SLX4IP: variants seen among roughly 807,000 people sequenced by gnomAD.
SLX4IP encodes the protein protein SLX4IP.
A neutral mutation model predicts 32.9 loss-of-function variants in SLX4IP; 34 were observed. The observed-to-expected ratio is 1.03, with a 90% confidence interval of 0.79 to 1.38. The LOEUF is 1.38. Among genes scored for constraint, SLX4IP ranks in the 40% most tolerant of loss-of-function variants. The probability of loss-of-function intolerance (pLI) is 0.00; values close to 1 mark genes in which losing one functional copy is unlikely to be tolerated. For synonymous variants in SLX4IP, 172 were observed against 171.7 expected (o/e 1.00, Z -0.01); for missense variants, 444 against 479.0 (o/e 0.93, Z 0.68).
In SLX4IP at chr20:10,525,359, T is replaced by A. The variant is rs138804936; in HGVS notation, c.28-30872T>A. Among the ~76,000 whole-genome samples the A allele has an allele frequency of 9.5e-3, 1,452 of 152,326 alleles. 28 individuals carry two copies. The highest frequency in any genetic ancestry group is 0.033 in the African/African-American group (1,370 of 41,576). ...TTGATGTTATATATTGACCTTTCTCTACACGGAAATTTAGCACTCATACCT... is the reference window on the plus strand; with the variant it reads ...TTGATGTTATATATTGACCTTTCTCAACACGGAAATTTAGCACTCATACCT... On this transcript the variant is annotated intron_variant, in intron 2 of 7. Coordinates refer to ENST00000334534, the MANE Select transcript of SLX4IP (RefSeq NM_001009608.3).
At chr20:10,608,242 T>G (rs1411169456) in intron 6 of SLX4IP, among the ~76,000 whole-genome samples, 1 of 152,220 alleles carries the variant, frequency 6.6e-6, no homozygotes, top group African/African-American at 2.4e-5. Flanking sequence ...TATTCACTGA[T>G]GACCTTACAC....
rs1237505193 is a variant in SLX4IP at position 10,623,130 on chromosome 20, A to G, written c.978A>G (p.Glu326=). 1 of 1,614,244 alleles carries G rather than the reference A, an allele frequency of 6.2e-7. No homozygotes were observed. The highest frequency in any genetic ancestry group is 1.1e-5 in the South Asian group (1 of 91,086). Residue 326 remains glutamate (E), a synonymous_variant, in exon 8 of 8, where the codon GAA becomes GAG. Coordinates refer to ENST00000334534, the MANE Select transcript of SLX4IP (RefSeq NM_001009608.3). ...TAGTCCCGAGAGAAATAATAGTGGAAAAAAGCAAAGCTGTCAGGGTTTTGC... is the reference window on the plus strand; with the variant it reads ...TAGTCCCGAGAGAAATAATAGTGGAGAAAAGCAAAGCTGTCAGGGTTTTGC... ...DRLVPREIIV[E]KSKAVRVLPA...
chr20:10,534,579 A>G (rs1275916949), intron 2 of SLX4IP, among the ~76,000 whole-genome samples: 2 of 152,096 alleles, frequency 1.3e-5, no homozygotes, highest in African/African-American at 4.8e-5. Context: ...AGAAGAAGGA[A>G]TGGGGAGCTC....
At chr20:10,502,505 C>G (rs1043474900) in intron 2 of SLX4IP, among the ~76,000 whole-genome samples, 6 of 152,348 alleles carry the variant, frequency 3.9e-5, no homozygotes, top group African/African-American at 1.4e-4. Context: ...CAAACCCACT[C>G]ACTTTCAACC....
intron 2 of SLX4IP, among the ~76,000 whole-genome samples, chr20:10,460,155 TCTCACCCTAGAAAG>T (rs1193098899): frequency 6.6e-6 from 1 of 152,230 alleles, no homozygotes; most frequent in African/African-American, 2.4e-5. Context: ...ATGTATTTGG[TCTCACCCTAGAAAG>T]ATATTTGGTT....
intron 6 of SLX4IP, among the ~76,000 whole-genome samples, chr20:10,618,281 G>A (rs951818873): frequency 2.6e-5 from 4 of 152,194 alleles, no homozygotes; most frequent in Admixed American, 6.5e-5. Context: ...GTTGCTGAGG[G>A]AGGGTATCTC....
intron 2 of SLX4IP, among the ~76,000 whole-genome samples, chr20:10,519,822 A>ATT (rs2065887714): frequency 2.0e-5 from 3 of 152,190 alleles, no homozygotes; most frequent in African/African-American, 7.2e-5. Flanking sequence ...TGACTATACC[A>ATT]TTTTACATTC....
chr20:10,468,012 C>T (rs2065394945), intron 2 of SLX4IP, among the ~76,000 whole-genome samples: 1 of 152,038 alleles, frequency 6.6e-6, no homozygotes, highest in African/African-American at 2.4e-5. Context: ...GCTTCTTATC[C>T]TCCTTTTTAG....
intron 4 of SLX4IP, among the ~76,000 whole-genome samples, chr20:10,577,799 T>C (rs2066538507): frequency 6.6e-6 from 1 of 152,234 alleles, no homozygotes; most frequent in African/African-American, 2.4e-5. Flanking sequence ...AGCCTACTGT[T>C]GGAAAATTAT....
At chr20:10,570,066 G>T (rs1204625236) in intron 4 of SLX4IP, among the ~76,000 whole-genome samples, 1 of 152,148 alleles carries the variant, frequency 6.6e-6, no homozygotes, top group Non-Finnish European at 1.5e-5. Flanking sequence ...TCAATTAACT[G>T]GTAAGCCAGA....
chr20:10,623,179 G>C lies in SLX4IP; in HGVS notation c.1027G>C (p.Gly343Arg). The C allele has an allele frequency of 6.2e-7, 1 of 1,614,192 alleles. No individual in the cohort carries two copies. Among genetic ancestry groups the C allele is most frequent in the Middle Eastern group, 1.6e-4 (1 of 6,062 alleles). The change falls in exon 8 of 8, where the codon GGG becomes CGG. Residue 343 changes from glycine to arginine, a missense_variant. Coordinates refer to ENST00000334534, the MANE Select transcript of SLX4IP (RefSeq NM_001009608.3). Reference protein sequence around the residue: ...VLPASELSDPGLLLKQDLAKT... With the variant: ...VLPASELSDPRLLLKQDLAKT... ...GCCAGCTTCAGAGTTGTCAGATCCA[G>C]GGTTACTTTTGAAACAAGATTTGGC...
intron 4 of SLX4IP, among the ~76,000 whole-genome samples, chr20:10,570,809 G>A (rs1407575006): frequency 1.3e-5 from 2 of 152,044 alleles, no homozygotes; most frequent in East Asian, 1.9e-4. Flanking sequence ...GATTACAGGC[G>A]TGAGCCACCA....
Position 10,526,010 on chromosome 20 carries a change from A to T in SLX4IP, c.28-30221A>T, listed in dbSNP as rs556858342. On this transcript the variant is annotated intron_variant, in intron 2 of 7. Coordinates refer to ENST00000334534, the MANE Select transcript of SLX4IP (RefSeq NM_001009608.3). ...AGCAGCAGAAGGGCCCCACTTCTCC[A>T]TGGAGTCCTCTCCCTGCTCATCACT... Among the ~76,000 whole-genome samples, 7 of 152,248 alleles carry T rather than the reference A, an allele frequency of 4.6e-5. No homozygotes were observed. In the East Asian group the frequency reaches 1.4e-3, roughly 29 times the overall value.
chr20:10,445,962 C>T (rs2122323504), intron 1 of SLX4IP, among the ~76,000 whole-genome samples: 1 of 133,680 alleles, frequency 7.5e-6, no homozygotes. Flanking sequence ...TTTTTTAACT[C>T]AGCCTATTTC....
intron 2 of SLX4IP, among the ~76,000 whole-genome samples, chr20:10,536,327 A>G (rs537507923): frequency 4.6e-5 from 7 of 151,980 alleles, no homozygotes; most frequent in African/African-American, 1.7e-4. Context: ...CAGGAATTTG[A>G]GGACAGCCTG....
At chr20:10,489,664 G>C (rs779909442) in intron 2 of SLX4IP, among the ~76,000 whole-genome samples, 1 of 152,196 alleles carries the variant, frequency 6.6e-6, no homozygotes, top group Non-Finnish European at 1.5e-5. Flanking sequence ...TAAGGGGTCA[G>C]GTTAGGCTTA....
chr20:10,608,513 A>C (rs1195925141), intron 6 of SLX4IP, among the ~76,000 whole-genome samples: 1 of 143,826 alleles, frequency 7.0e-6, no homozygotes, highest in African/African-American at 2.6e-5. Context: ...AAAATACAGG[A>C]AAAAAAAAAA....
intron 4 of SLX4IP, among the ~76,000 whole-genome samples, chr20:10,563,266 A>G (rs563594138): frequency 6.6e-6 from 1 of 152,292 alleles, no homozygotes; most frequent in Non-Finnish European, 1.5e-5. Context: ...CTTATTTGCT[A>G]TTGAGTTATT....
At chr20:10,552,007 G>A (rs1032983239) in intron 2 of SLX4IP, among the ~76,000 whole-genome samples, 2 of 152,216 alleles carry the variant, frequency 1.3e-5, no homozygotes, top group Admixed American at 1.3e-4. Flanking sequence ...AGAGAAGTGT[G>A]TGTGAGAACG....
Sources: allele counts gnomAD v4.1 joint callset (sites outside exome capture counted in the v4.1 genomes callset), GRCh38; gene constraint gnomAD v4.1.1; transcripts MANE v1.5; gene names NCBI Gene and HGNC (gene_info 2026-07-23, HGNC 2026-07-21).